The following CAST variants were observed in gnomAD, a reference collection of about 807,000 sequenced individuals.
CAST encodes the protein MIR583 host.
In CAST, 76 loss-of-function variants were observed where a neutral mutation model predicts 119.6. The ratio of observed to expected loss-of-function variants is 0.64; its 90% CI spans 0.53 to 0.77. The LOEUF (loss-of-function observed/expected upper bound fraction) is 0.77, where lower values mean the gene tolerates loss of function less well. Among genes scored for constraint, CAST ranks in the 30% least tolerant of loss-of-function variants. CAST has a pLI of 0.00. For missense variants in CAST, 953 were observed against 946.5 expected, an observed-to-expected ratio of 1.01 and a Z score of -0.09; for synonymous variants, 319 against 331.6, an observed-to-expected ratio of 0.96 and a Z score of 0.41.
the CAST span, among the ~76,000 whole-genome samples, chr5:96,495,182 T>C: frequency 2.6e-5 from 4 of 151,850 alleles, no homozygotes; most frequent in Admixed American, 6.6e-5. Context: ...AGAAAACTCA[T>C]GCAGAAAATA....
the CAST span, among the ~76,000 whole-genome samples, chr5:95,975,315 G>A: frequency 6.6e-6 from 1 of 152,128 alleles, no homozygotes; most frequent in East Asian, 1.9e-4. Flanking sequence ...AAGCTTTAGT[G>A]TACATAAGAA....
At chr5:96,565,073 G>A (rs1456223595) in intron 1 of CAST, among the ~76,000 whole-genome samples, 1 of 56,224 alleles carries the variant, frequency 1.8e-5, no homozygotes, top group Non-Finnish European at 3.3e-5. Flanking sequence ...AAACACATGG[G>A]AAAGGTGTGT....
chr5:96,347,690 C>CCA, the CAST span, among the ~76,000 whole-genome samples: 1 of 152,092 alleles, frequency 6.6e-6, no homozygotes, highest in South Asian at 2.1e-4. Context: ...CCTTATCATC[C>CCA]CACACCAAGT....
chr5:96,227,990 CCTCTTT>C, the CAST span, among the ~76,000 whole-genome samples: 1 of 141,162 alleles, frequency 7.1e-6, no homozygotes, highest in Non-Finnish European at 1.5e-5. Flanking sequence ...TTGTAGTCTC[CCTCTTT>C]CTCTCTCTGT....
At chr5:96,298,600 A>G in the CAST span, among the ~76,000 whole-genome samples, 4 of 152,234 alleles carry the variant, frequency 2.6e-5, no homozygotes, top group Non-Finnish European at 5.9e-5. Context: ...AATTCTAAAT[A>G]TATTCTATTG....
the CAST span, among the ~76,000 whole-genome samples, chr5:96,488,000 T>C: frequency 1.3e-5 from 2 of 152,204 alleles, no homozygotes; most frequent in Non-Finnish European, 1.5e-5. Context: ...ACTTTACTCA[T>C]GGGAATTTTA....
the CAST span, among the ~76,000 whole-genome samples, chr5:96,085,086 A>ACT: frequency 6.6e-6 from 1 of 152,210 alleles, no homozygotes; most frequent in Non-Finnish European, 1.5e-5. Flanking sequence ...TTAACCAGGA[A>ACT]GTATCCTACA....
At chr5:96,227,922 TTAAAAA>T in the CAST span, among the ~76,000 whole-genome samples, 1 of 152,174 alleles carries the variant, frequency 6.6e-6, no homozygotes, top group African/African-American at 2.4e-5. Flanking sequence ...TTTGTCACTG[TTAAAAA>T]TAAAAAGTGC....
the CAST span, among the ~76,000 whole-genome samples, chr5:96,273,833 C>T: frequency 2.0e-5 from 3 of 151,732 alleles, no homozygotes; most frequent in Non-Finnish European, 4.4e-5. Context: ...CTGGACTGGC[C>T]TTAGCAGTAA....
intron 1 of CAST, among the ~76,000 whole-genome samples, chr5:96,649,302 T>C (rs1194808692): frequency 1.3e-5 from 2 of 152,206 alleles, no homozygotes; most frequent in African/African-American, 4.8e-5. Context: ...CATTATACAG[T>C]CTCAACACAA....
the CAST span, among the ~76,000 whole-genome samples, chr5:96,094,536 G>A: frequency 2.6e-5 from 4 of 151,922 alleles, no homozygotes; most frequent in Admixed American, 6.6e-5. Context: ...GCTGTGCTGC[G>A]AGTCTTTCTA....
chr5:96,056,736 G>A, the CAST span, among the ~76,000 whole-genome samples: 1 of 152,132 alleles, frequency 6.6e-6, no homozygotes, highest in East Asian at 1.9e-4. Context: ...TAAAAGTAAA[G>A]CCAGCCTCTG....
chr5:96,003,623 A>C, the CAST span, among the ~76,000 whole-genome samples: 1 of 152,190 alleles, frequency 6.6e-6, no homozygotes, highest in Non-Finnish European at 1.5e-5. Context: ...TTTCACAGTA[A>C]AAAATTACAA....
intron 4 of CAST, among the ~76,000 whole-genome samples, chr5:96,724,560 G>C (rs1332398653): frequency 6.6e-6 from 1 of 152,194 alleles, no homozygotes; most frequent in Non-Finnish European, 1.5e-5. Context: ...ACCAGGCATA[G>C]TGGCCCACAC....
chr5:96,218,148 G>A, the CAST span, among the ~76,000 whole-genome samples: 9 of 152,092 alleles, frequency 5.9e-5, no homozygotes, highest in East Asian at 5.8e-4. Context: ...ACAGTCTATC[G>A]TTTTTAGGAT....
chr5:96,133,505 G>A, the CAST span, among the ~76,000 whole-genome samples: 1 of 152,186 alleles, frequency 6.6e-6, no homozygotes, highest in Non-Finnish European at 1.5e-5. Flanking sequence ...TACGACATGA[G>A]AGGGGTGAAG....
intron 1 of CAST, among the ~76,000 whole-genome samples, chr5:96,567,526 A>G (rs1053624467): frequency 3.9e-5 from 6 of 152,252 alleles, no homozygotes; most frequent in Middle Eastern, 3.4e-3. Context: ...GAAAGTGCAA[A>G]TGCCACTTCC....
chr5:96,397,889 T>C, the CAST span, among the ~76,000 whole-genome samples: 1 of 152,130 alleles, frequency 6.6e-6, no homozygotes, highest in East Asian at 1.9e-4. Context: ...CCTGACTCCA[T>C]AATGATTTAA....
the CAST span, among the ~76,000 whole-genome samples, chr5:95,989,705 A>C: frequency 5.9e-5 from 9 of 152,114 alleles, no homozygotes; most frequent in Non-Finnish European, 1.3e-4. Flanking sequence ...ATTTAGAAAG[A>C]CTTTAGGAAA....
Sources: gnomAD v4.1 joint callset for allele counts (sites outside exome capture counted in the v4.1 genomes callset) on GRCh38, gnomAD v4.1.1 for gene constraint, MANE v1.5 for transcripts, NCBI Gene and HGNC (gene_info 2026-07-23, HGNC 2026-07-21) for gene names.